The following ZNF583 variants were observed in gnomAD, a reference collection of about 807,000 sequenced individuals.
The protein encoded by ZNF583 is zinc finger protein L3-5.
ZNF583 carries 30 observed loss-of-function variants against 55.3 expected under a neutral mutation model. The observed-to-expected ratio is 0.54, with a 90% CI of 0.41 to 0.74. The LOEUF is 0.74. Among genes scored for constraint, ZNF583 ranks in the 30% least tolerant of loss-of-function variants. ZNF583 has a pLI of 0.00. For synonymous variants in ZNF583, 208 were observed against 220.0 expected (o/e 0.95, Z 0.48); for missense variants, 504 against 664.7 (o/e 0.76, Z 2.66).
In ZNF583 at chr19:56,427,100, A is replaced by G. The variant is rs1474895431; in HGVS notation, c.*2732A>G. 6.6e-6 allele frequency: 1 copy of G among 152,150 alleles called. No homozygotes were observed. Among genetic ancestry groups the G allele is most frequent in the Non-Finnish European group, 1.5e-5 (1 of 68,040 alleles). The allele number at this position is 152,150 out of a possible 1,614,324, so 9.4% of individuals were successfully genotyped here. On this transcript the variant is annotated 3_prime_UTR_variant, in exon 5 of 5. Transcript: ENST00000333201. ...TCTAGTCTGCCCAAAGGATCCCTAGAGAAGTTCAGGCTTGGAGTTGGCTTA... is the reference window on the plus strand; with the variant it reads ...TCTAGTCTGCCCAAAGGATCCCTAGGGAAGTTCAGGCTTGGAGTTGGCTTA...
At chr19:56,408,383 G>C (rs1284570082) in intron 2 of ZNF583, among the ~76,000 whole-genome samples, 3 of 152,160 alleles carry the variant, frequency 2.0e-5, no homozygotes, top group Admixed American at 6.5e-5. Flanking sequence ...GTAGCCACTA[G>C]CCAGATGTGG....
At chr19:56,415,655 C>A (rs1340873029) in intron 4 of ZNF583, among the ~76,000 whole-genome samples, 1 of 152,114 alleles carries the variant, frequency 6.6e-6, no homozygotes, top group Admixed American at 6.6e-5. Flanking sequence ...CCTCCACCTC[C>A]CAGGTTCAAG....
chr19:56,421,388 C>CTGTCA, intron 4 of ZNF583: 10 of 810,042 alleles, frequency 1.2e-5, no homozygotes, highest in Non-Finnish European at 1.5e-5. Flanking sequence ...CTTTTTTGAC[C>CTGTCA]CATCAGTCTT....
Position 56,424,466 on chromosome 19 carries a change from A to C in ZNF583, c.*98A>C. ...ACATGGGATACTCGAGTAGCTTTCTAATTGGTCTCCTTGTACTCACCATTG... is the reference window on the plus strand; with the variant it reads ...ACATGGGATACTCGAGTAGCTTTCTCATTGGTCTCCTTGTACTCACCATTG... On this transcript the variant is annotated 3_prime_UTR_variant, in exon 5 of 5. Coordinates refer to ENST00000333201, the MANE Select transcript of ZNF583 (RefSeq NM_152478.3). 1 of 630,490 alleles carries C rather than the reference A, an allele frequency of 1.6e-6. No homozygotes were observed. The highest frequency in any genetic ancestry group is 2.8e-6 in the Non-Finnish European group (1 of 356,936). 39.1% of individuals were successfully genotyped at this position (630,490 alleles called of 1,614,324 possible). A position where few individuals can be genotyped will look rare whatever the true frequency, so the allele number is the denominator to read the frequency against.
At position 56,426,938 on chromosome 19, in the gene ZNF583, T is replaced by TAAAAAAAAAAA. The variant is rs34825550; in HGVS notation, c.*2574_*2584dup. ...CACATAGAACAATGTAAATGATTCT[T>TAAAAAAAAAAA]AAAAAAAAAAAAAAGGTGAGGCTTT... On this transcript the variant is annotated 3_prime_UTR_variant, in exon 5 of 5. Transcript: ENST00000333201. The TAAAAAAAAAAA allele has an allele frequency of 7.0e-6, 1 of 143,196 alleles. No homozygotes were observed. The allele number at this position is 143,196 out of a possible 1,614,324, so 8.9% of individuals were successfully genotyped here. A position where few individuals can be genotyped will look rare whatever the true frequency, so the allele number is the denominator to read the frequency against.
chr19:56,410,194 C>T (rs967145227), intron 2 of ZNF583, among the ~76,000 whole-genome samples: 31 of 152,110 alleles, frequency 2.0e-4, no homozygotes, highest in Admixed American at 6.5e-4. Context: ...AGTATGTCTT[C>T]GAGTGCAAGC....
intron 1 of ZNF583, among the ~76,000 whole-genome samples, chr19:56,406,400 C>T (rs185960865): frequency 2.0e-5 from 3 of 152,290 alleles, no homozygotes; most frequent in Non-Finnish European, 2.9e-5. Flanking sequence ...TGAATAATTA[C>T]TCCGATGAAG....
Position 56,414,395 on chromosome 19 carries a change from G to A in ZNF583, c.187G>A (p.Glu63Lys), listed in dbSNP as rs143201423. ...GATCTCATTATTGGAGCAAGGAAAA[G>A]AGCCCTGGATGGTGAAGAAGGAGGG... The part of the protein sequence containing the change: ...DVISLLEQGK[E>K]PWMVKKEGTR... The change falls in exon 4 of 5, where the codon GAG (glutamate) becomes AAG (lysine). Residue 63 changes from glutamate (E) to lysine (K), a missense_variant. Coordinates refer to ENST00000333201, the MANE Select transcript of ZNF583 (RefSeq NM_152478.3). The A allele has an allele frequency of 1.2e-6, 2 of 1,614,028 alleles. No homozygotes were observed. Among genetic ancestry groups the A allele is most frequent in the Non-Finnish European group, 1.7e-6 (2 of 1,180,022 alleles).
intron 4 of ZNF583, among the ~76,000 whole-genome samples, chr19:56,418,365 A>C (rs1358018004): frequency 6.6e-6 from 1 of 152,160 alleles, no homozygotes; most frequent in Non-Finnish European, 1.5e-5. Flanking sequence ...GCTTGAGTCC[A>C]GAACTTGGAG....
intron 1 of ZNF583, among the ~76,000 whole-genome samples, chr19:56,406,633 C>T (rs1323243046): frequency 1.3e-5 from 2 of 148,310 alleles, no homozygotes; most frequent in African/African-American, 5.1e-5. Flanking sequence ...CCTGGGTTCA[C>T]GCCATTCTCC....
At chr19:56,421,717 C>T (rs905639972) in intron 4 of ZNF583, among the ~76,000 whole-genome samples, 2 of 152,098 alleles carry the variant, frequency 1.3e-5, no homozygotes, top group African/African-American at 4.8e-5. Flanking sequence ...TACTAAGCAC[C>T]TTCTATCTGT....
intron 4 of ZNF583, among the ~76,000 whole-genome samples, chr19:56,416,821 A>T (rs950550676): frequency 6.6e-6 from 1 of 152,068 alleles, no homozygotes; most frequent in Non-Finnish European, 1.5e-5. Context: ...ACTTGCATAT[A>T]CCCATGAAAC....
chr19:56,413,757 C>A (rs1225225468), intron 2 of ZNF583, among the ~76,000 whole-genome samples: 1 of 152,232 alleles, frequency 6.6e-6, no homozygotes, highest in Non-Finnish European at 1.5e-5. Context: ...TGTATACTTT[C>A]CATGACAGAA....
rs2042472150 is a variant in ZNF583, at chr19:56,424,371, A to C, written c.*3A>C. 8.2e-7 allele frequency: 1 copy of C among 1,216,222 alleles called. No individual in the cohort carries two copies. Among genetic ancestry groups the C allele is most frequent in the Non-Finnish European group, 1.2e-6 (1 of 831,222 alleles). 75.3% of individuals were successfully genotyped at this position (1,216,222 alleles called of 1,614,324 possible). On this transcript the variant is annotated 3_prime_UTR_variant, in exon 5 of 5. Transcript: ENST00000333201. Reference sequence around the variant, plus strand: ...GACCTGTAGGTTTCATCTCCTGAATATTTCTGGAATCCACCTCTTGAATCC... The same window carrying C: ...GACCTGTAGGTTTCATCTCCTGAATCTTTCTGGAATCCACCTCTTGAATCC...
Position 56,424,562 on chromosome 19 carries a change from A to G in ZNF583, c.*194A>G. 1 of 506,242 alleles carries G rather than the reference A, an allele frequency of 2.0e-6. No individual in the cohort carries two copies. Among genetic ancestry groups the G allele is most frequent in the Non-Finnish European group, 3.5e-6 (1 of 286,860 alleles). 31.4% of individuals were successfully genotyped at this position (506,242 alleles called of 1,614,324 possible). A position where few individuals can be genotyped will look rare whatever the true frequency, so the allele number is the denominator to read the frequency against. On this transcript the variant is annotated 3_prime_UTR_variant, in exon 5 of 5. Transcript: ENST00000333201. ...ATATGTTTAATCTCATTTCTCCCTC[A>G]TTAAAATCCCTCAGTGGCATCCCAT... is the stretch of plus-strand genomic sequence containing the variant.
intron 1 of ZNF583, among the ~76,000 whole-genome samples, chr19:56,406,357 T>G (rs2042147839): frequency 6.6e-6 from 1 of 152,132 alleles, no homozygotes; most frequent in African/African-American, 2.4e-5. Context: ...TAGAACTGGT[T>G]TCCAGTTTGG....
At chr19:56,417,770 T>C (rs1395520003) in intron 4 of ZNF583, among the ~76,000 whole-genome samples, 1 of 152,218 alleles carries the variant, frequency 6.6e-6, no homozygotes, top group Non-Finnish European at 1.5e-5. Context: ...TTTAAGGTTT[T>C]AGCATTTATA....
chr19:56,412,740 C>A (rs768461635), intron 2 of ZNF583, among the ~76,000 whole-genome samples: 1 of 152,110 alleles, frequency 6.6e-6, no homozygotes, highest in Non-Finnish European at 1.5e-5. Flanking sequence ...ATTGAAGTAA[C>A]TTTTATTGTA....
Position 56,424,620 on chromosome 19 carries a change from T to C in ZNF583, c.*252T>C. ...AAGTTAAAGCACACATTCTTCAAAA[T>C]AGCCTAAAAACCTAGCCTCTAACAC... On this transcript the variant is annotated 3_prime_UTR_variant, in exon 5 of 5. Coordinates refer to ENST00000333201, the MANE Select transcript of ZNF583 (RefSeq NM_152478.3). 2.6e-6 allele frequency: 1 copy of C among 389,646 alleles called. No homozygotes were observed. Among genetic ancestry groups the C allele is most frequent in the Non-Finnish European group, 4.6e-6 (1 of 216,210 alleles). 24.1% of individuals were successfully genotyped at this position (389,646 alleles called of 1,614,324 possible).
Sources: gnomAD v4.1 joint callset for allele counts (sites outside exome capture counted in the v4.1 genomes callset) on GRCh38, gnomAD v4.1.1 for gene constraint, MANE v1.5 for transcripts, NCBI Gene and HGNC (gene_info 2026-07-23, HGNC 2026-07-21) for gene names.